The following AGBL1 variants were observed in gnomAD, a reference collection of about 807,000 sequenced individuals.
AGBL1 encodes the protein AGBL carboxypeptidase 1.
AGBL1 carries 130 observed loss-of-function variants against 118.9 expected under a neutral mutation model. That is an observed-to-expected ratio of 1.09 (90% CI 0.95 to 1.26). AGBL1 has a LOEUF of 1.26. Ranked by LOEUF, AGBL1 falls within the 50% of genes most tolerant of loss-of-function variation. AGBL1 has a pLI of 0.00. For synonymous variants in AGBL1, 555 were observed against 478.9 expected, an observed-to-expected ratio of 1.16 and a Z score of -2.08; for missense variants, 1,584 against 1,298.1, an observed-to-expected ratio of 1.22 and a Z score of -3.38.
rs570069696 is a variant in AGBL1, at chr15:86,318,964, G to A, written c.2374+23556G>A. 3.9e-4 allele frequency among the ~76,000 whole-genome samples: 59 copies of A among 152,092 alleles called. 1 individual carries two copies. In the South Asian group the frequency reaches 7.3e-3, roughly 19 times the overall value. Reference sequence around the variant, plus strand: ...GTTGATTAAATGATCAGTTTTCCCCGTACAGTCTTGCTACCAGCAAGGACA... The same window carrying A: ...GTTGATTAAATGATCAGTTTTCCCCATACAGTCTTGCTACCAGCAAGGACA... On this transcript the variant is annotated intron_variant, in intron 17 of 22. Coordinates refer to ENST00000614907, the MANE Select transcript of AGBL1 (RefSeq NM_001386094.1).
chr15:86,463,305 ATTTG>A, intron 18 of AGBL1, among the ~76,000 whole-genome samples: 1 of 150,542 alleles, frequency 6.6e-6, no homozygotes, highest in East Asian at 1.9e-4. Context: ...TTTTTTGTAA[ATTTG>A]TTTAAGTTCC....
intron 22 of AGBL1, among the ~76,000 whole-genome samples, chr15:86,893,931 C>G (rs2080086927): frequency 6.6e-6 from 1 of 152,142 alleles, no homozygotes; most frequent in Non-Finnish European, 1.5e-5. Flanking sequence ...GACAACAAAG[C>G]TCAGAGAAGG....
intron 24 of AGBL1, among the ~76,000 whole-genome samples, chr15:87,011,881 A>G (rs1283536893): frequency 1.3e-5 from 2 of 152,198 alleles, no homozygotes; most frequent in Non-Finnish European, 1.5e-5. Context: ...ATTGGACTTT[A>G]ATTACTTTGC....
chr15:86,554,662 T>A, intron 21 of AGBL1, 125 bp downstream of exon 21: 2 of 974,814 alleles, frequency 2.1e-6, no homozygotes, highest in South Asian at 3.4e-5. Flanking sequence ...TGGTCCTCCC[T>A]TGCCTTGAAA....
intron 17 of AGBL1, among the ~76,000 whole-genome samples, chr15:86,375,553 C>T (rs1325841177): frequency 1.3e-5 from 2 of 152,144 alleles, no homozygotes; most frequent in African/African-American, 2.4e-5. Context: ...TGATTTGTAG[C>T]ATCATATTAA....
At chr15:86,348,315 C>T (rs1276888485) in intron 17 of AGBL1, among the ~76,000 whole-genome samples, 2 of 152,238 alleles carry the variant, frequency 1.3e-5, no homozygotes, top group African/African-American at 2.4e-5. Flanking sequence ...AAACCAGCCC[C>T]GCCTTGACCC....
At chr15:86,754,834 A>G (rs1390694069) in intron 22 of AGBL1, among the ~76,000 whole-genome samples, 1 of 152,046 alleles carries the variant, frequency 6.6e-6, no homozygotes, top group Non-Finnish European at 1.5e-5. Flanking sequence ...GCCAGGCTCA[A>G]GAGAAAACCC....
intron 23 of AGBL1, among the ~76,000 whole-genome samples, chr15:86,933,946 T>A (rs2080635658): frequency 6.6e-6 from 1 of 152,208 alleles, no homozygotes; most frequent in African/African-American, 2.4e-5. Context: ...AGTTTCTCCA[T>A]CTTCAATTCT....
At chr15:86,263,020 C>T (rs993133593) in intron 10 of AGBL1, 126 bp downstream of exon 10, 4 of 704,404 alleles carry the variant, frequency 5.7e-6, no homozygotes, top group South Asian at 3.9e-5. Flanking sequence ...CTTCTGGGCT[C>T]TTCCTTAGAG....
chr15:86,354,607 A>G (rs1478988329), intron 17 of AGBL1, among the ~76,000 whole-genome samples: 1 of 152,244 alleles, frequency 6.6e-6, no homozygotes, highest in African/African-American at 2.4e-5. Context: ...TAATCAGCCA[A>G]TAGTTTTGAA....
At chr15:86,729,072 G>C (rs2077495198) in intron 22 of AGBL1, among the ~76,000 whole-genome samples, 1 of 152,134 alleles carries the variant, frequency 6.6e-6, no homozygotes, top group South Asian at 2.1e-4. Flanking sequence ...ATTTATCTAA[G>C]CTCCCTCCAA....
rs140583728 is a variant in AGBL1 at position 86,884,544 on chromosome 15, G to A, written c.3159-22543G>A. 3.1e-3 allele frequency among the ~76,000 whole-genome samples: 465 copies of A among 152,346 alleles called. 1 individual carries two copies. Among genetic ancestry groups the A allele is most frequent in the Non-Finnish European group, 5.5e-3 (373 of 68,032 alleles). On this transcript the variant is annotated intron_variant, in intron 22 of 22. Transcript: ENST00000614907. Reference sequence around the variant, plus strand: ...AAACAAACTATAGGCTGGGTGCAGTGGCTCACGGCTATAATACCAGCCTTT... The same window carrying A: ...AAACAAACTATAGGCTGGGTGCAGTAGCTCACGGCTATAATACCAGCCTTT...
intron 1 of AGBL1, among the ~76,000 whole-genome samples, chr15:86,120,147 C>T (rs1898006868): frequency 6.6e-6 from 1 of 152,206 alleles, no homozygotes; most frequent in African/African-American, 2.4e-5. Flanking sequence ...AACTCCCCAT[C>T]CTGCCTTCCC....
intron 21 of AGBL1, among the ~76,000 whole-genome samples, chr15:86,588,326 G>T (rs1017401116): frequency 6.6e-6 from 1 of 152,126 alleles, no homozygotes; most frequent in Admixed American, 6.5e-5. Context: ...TTACACAGTT[G>T]ATCTCCTCCA....
chr15:86,264,924 A>C (rs2079049868), intron 11 of AGBL1, 86 bp downstream of exon 11: 3 of 1,224,416 alleles, frequency 2.5e-6, no homozygotes, highest in Admixed American at 2.8e-5. Context: ...TAATTCTACT[A>C]TCTATAGGAA....
chr15:86,814,934 A>G (rs2078839076), intron 22 of AGBL1, among the ~76,000 whole-genome samples: 2 of 152,234 alleles, frequency 1.3e-5, no homozygotes, highest in South Asian at 2.1e-4. Flanking sequence ...CCTTCTTAGT[A>G]GAAATGTACG....
chr15:86,746,960 T>G (rs1382395170), intron 22 of AGBL1, among the ~76,000 whole-genome samples: 1 of 152,056 alleles, frequency 6.6e-6, no homozygotes, highest in Non-Finnish European at 1.5e-5. Flanking sequence ...ATTAAGGAAT[T>G]GATAAGATCG....
At chr15:86,523,794 A>G (rs1462590186) in intron 19 of AGBL1, among the ~76,000 whole-genome samples, 1 of 152,188 alleles carries the variant, frequency 6.6e-6, no homozygotes, top group Non-Finnish European at 1.5e-5. Flanking sequence ...CAATTGATTG[A>G]AAAAACACTA....
chr15:86,145,896 G>C (rs991451382), intron 3 of AGBL1, among the ~76,000 whole-genome samples: 2 of 152,218 alleles, frequency 1.3e-5, no homozygotes, highest in African/African-American at 4.8e-5. Context: ...AAGCAAGAGT[G>C]ATGCTACTTT....
Sources: allele counts gnomAD v4.1 joint callset (sites outside exome capture counted in the v4.1 genomes callset), GRCh38; gene constraint gnomAD v4.1.1; transcripts MANE v1.5; gene names NCBI Gene and HGNC (gene_info 2026-07-23, HGNC 2026-07-21).